RYR1: variants seen among roughly 807,000 people sequenced by gnomAD.
The protein encoded by RYR1 is ryanodine receptor 1.
Under a neutral mutation model 583.5 loss-of-function variants are expected in RYR1, and 342 were observed. The observed-to-expected ratio is 0.59, with a 90% confidence interval of 0.54 to 0.64. The LOEUF (loss-of-function observed/expected upper bound fraction) is 0.64, where lower values mean the gene tolerates loss of function less well. RYR1 is among the 30% of genes least tolerant of loss of function. RYR1 has a pLI of 0.00. For missense variants in RYR1, 6,032 were observed against 6,917.2 expected, an observed-to-expected ratio of 0.87 and a Z score of 4.54; for synonymous variants, 2,791 against 2,822.5, an observed-to-expected ratio of 0.99 and a Z score of 0.35.
In RYR1 at chr19:38,444,153, G is replaced by C; in HGVS notation, c.429G>C (p.Glu143Asp). 1 of 1,613,770 alleles carries C rather than the reference G, an allele frequency of 6.2e-7. No individual in the cohort carries two copies. Among genetic ancestry groups the C allele is most frequent in the Non-Finnish European group, 8.5e-7 (1 of 1,179,712 alleles). The change falls in exon 6 of 106, where the codon GAG becomes GAC. Residue 143 changes from glutamate to aspartate, a missense_variant. By Grantham distance (45) the Glu-to-Asp change is conservative (BLOSUM62 2). Around this residue, in one of 11 missense-constraint regions of RYR1, gnomAD observed 338 missense variants for 441.6 expected, o/e 0.77. Coordinates refer to ENST00000359596, the MANE Select transcript of RYR1 (RefSeq NM_000540.3). This position sits in a 1 kb window ranked among gnomAD's most constrained non-coding sequence, Gnocchi z 5.1. ...DVGLQEDATG[E>D]ACWWTMHPAS... ...CCATTCCATCCCCACCCATAGGAGA[G>C]GCTTGCTGGTGGACCATGCACCCAG...
Position 38,455,303 on chromosome 19 carries a change from T to C in RYR1, c.1509T>C (p.Ala503=), listed in dbSNP as rs997383252. 1 of 1,614,002 alleles carries C rather than the reference T, an allele frequency of 6.2e-7. No individual in the cohort carries two copies. The highest frequency in any genetic ancestry group is 8.5e-7 in the Non-Finnish European group (1 of 1,180,018). ...TCTACACCACTGCTGCCCACTTTGC[T>C]GAGTTTGCAGGGGAGGAGGCAGCCG... ...LNVYTTAAHF[A]EFAGEEAAES... is the part of the protein sequence containing the mutation. The change falls in exon 14 of 106, where the codon GCT becomes GCC. Residue 503 remains alanine (A), a synonymous_variant. Transcript: ENST00000359596.
chr19:38,521,960 G>A (rs1006495228), intron 67 of RYR1, among the ~76,000 whole-genome samples: 4 of 151,882 alleles, frequency 2.6e-5, no homozygotes, highest in East Asian at 3.9e-4. Flanking sequence ...TGCCCGCCTC[G>A]GCCTCCCAAA....
chr19:38,499,800 G>T lies in RYR1; in HGVS notation c.7193G>T (p.Arg2398Leu). The change falls in exon 44 of 106, where the codon CGC becomes CTC. Residue 2398 changes from arginine (R) to leucine (L), a missense_variant. Coordinates refer to ENST00000359596, the MANE Select transcript of RYR1 (RefSeq NM_000540.3). This position sits in a 1 kb window ranked among gnomAD's most constrained non-coding sequence, Gnocchi z 7.3. Reference sequence around the variant, plus strand: ...CCTGCGAGGGATGGCCCAGGCATCCGCAGGGACCGGCGGCGCGAGCAGTGA... The same window carrying T: ...CCTGCGAGGGATGGCCCAGGCATCCTCAGGGACCGGCGGCGCGAGCAGTGA... ...EDPARDGPGI[R>L]RDRRREHFGE... The T allele has an allele frequency of 1.2e-6, 2 of 1,604,722 alleles. No homozygotes were observed. The highest frequency in any genetic ancestry group is 8.5e-7 in the Non-Finnish European group (1 of 1,179,034).
At chr19:38,516,319 T>C (rs960115764) in intron 65 of RYR1, 102 bp downstream of exon 65, 40 of 1,388,858 alleles carry the variant, frequency 2.9e-5, no homozygotes, top group Non-Finnish European at 3.9e-5. Flanking sequence ...GGCTGGGCTG[T>C]GAGCGGCTGA....
At chr19:38,455,927 G>A (rs1165625122) in intron 16 of RYR1, among the ~76,000 whole-genome samples, 176 bp downstream of exon 16, 1 of 147,532 alleles carries the variant, frequency 6.8e-6, no homozygotes, top group East Asian at 2.0e-4. Flanking sequence ...CTCTTAAGTT[G>A]ATTCTGGGCC....
chr19:38,541,935 G>A (rs1018328271), intron 84 of RYR1, among the ~76,000 whole-genome samples: 1 of 151,682 alleles, frequency 6.6e-6, no homozygotes, highest in Non-Finnish European at 1.5e-5. Context: ...CGGATGTGGT[G>A]GCTCACACCT....
In RYR1 at chr19:38,478,585, C is replaced by A. The variant is rs1368475680; in HGVS notation, c.4605C>A (p.Ser1535Arg). 1 of 1,612,678 alleles carries A rather than the reference C, an allele frequency of 6.2e-7. No individual in the cohort carries two copies. The highest frequency in any genetic ancestry group is 8.5e-7 in the Non-Finnish European group (1 of 1,180,012). The change falls in exon 31 of 106, where the codon AGC (serine) becomes AGA (arginine). Residue 1535 changes from serine (S) to arginine (R), a missense_variant. This residue lies in a region of RYR1 where 2,627 missense variants were observed against 2,961.3 expected (regional missense o/e 0.89). Coordinates refer to ENST00000359596, the MANE Select transcript of RYR1 (RefSeq NM_000540.3). The stretch of plus-strand genomic sequence containing the variant: ...CCTTTACAGCCAATGGCAAAGAGAG[C>A]AACACCTTTTTCCAGGTGAGTCCAG... The part of the protein sequence containing the change: ...LMTFTANGKE[S>R]NTFFQVEPNT...
chr19:38,511,016 C>T (rs1419732668), intron 60 of RYR1, among the ~76,000 whole-genome samples: 1 of 152,188 alleles, frequency 6.6e-6, no homozygotes, highest in Non-Finnish European at 1.5e-5. Flanking sequence ...CAACTCAAGG[C>T]CGGGCGTGGT....
At position 38,483,293 on chromosome 19, in the gene RYR1, A is replaced by C; in HGVS notation, c.4711A>C (p.Ile1571Leu). ...IQFELGKQKN[I>L]MPLSAAMFQS... ...ATGTGTGTCTCTCTGCCCTCAGAACATCATGCCGTTGTCAGCCGCCATGTT... is the reference window on the plus strand; with the variant it reads ...ATGTGTGTCTCTCTGCCCTCAGAACCTCATGCCGTTGTCAGCCGCCATGTT... Residue 1571 changes from isoleucine to leucine, a missense_variant, in exon 33 of 106, where the codon ATC becomes CTC. Transcript: ENST00000359596. The surrounding 1 kb of genome is among the most constrained non-coding windows in gnomAD (Gnocchi z 6.3). The C allele has an allele frequency of 6.4e-7, 1 of 1,560,444 alleles. No individual in the cohort carries two copies. Among genetic ancestry groups the C allele is most frequent in the Non-Finnish European group, 8.7e-7 (1 of 1,152,488 alleles).
intron 31 of RYR1, among the ~76,000 whole-genome samples, chr19:38,481,867 C>T (rs2145521217): frequency 6.6e-6 from 1 of 152,236 alleles, no homozygotes; most frequent in South Asian, 2.1e-4. Context: ...TTGGGCAGAT[C>T]ACCTAAGGTC....
chr19:38,514,078 G>A (rs905840853), intron 63 of RYR1, among the ~76,000 whole-genome samples: 4 of 151,862 alleles, frequency 2.6e-5, no homozygotes, highest in Non-Finnish European at 4.4e-5. Flanking sequence ...GAATAGCCCC[G>A]CCCTCTTTTT....
At chr19:38,576,037 C>G (rs1276169095) in intron 97 of RYR1, 76 bp downstream of exon 97, 2 of 1,540,074 alleles carry the variant, frequency 1.3e-6, no homozygotes, top group African/African-American at 2.7e-5. Flanking sequence ...CTGCCAAGCA[C>G]TTGCTTGGTG....
At chr19:38,442,243 G>A (rs371201368) in intron 2 of RYR1, 106 bp from the exon 3 acceptor site, 63 of 802,470 alleles carry the variant, frequency 7.9e-5, no homozygotes, top group South Asian at 1.7e-4. Context: ...GGGGTCTGGC[G>A]TCTCAAGAGT....
chr19:38,466,982 C>A (rs909653420), intron 24 of RYR1, among the ~76,000 whole-genome samples: 1 of 152,124 alleles, frequency 6.6e-6, no homozygotes, highest in Non-Finnish European at 1.5e-5. Flanking sequence ...GCCTAGGAAC[C>A]CAATGAGTGC....
chr19:38,455,258 T>C lies in RYR1; in HGVS notation c.1464T>C (p.Asn488=). 6.2e-7 allele frequency: 1 copy of C among 1,614,102 alleles called. No individual in the cohort carries two copies. Among genetic ancestry groups the C allele is most frequent in the Non-Finnish European group, 8.5e-7 (1 of 1,180,012 alleles). ...QEEGMLSMVL[N]CIDRLNVYTT... ...AGGGGATGCTCTCCATGGTCCTGAA[T>C]TGCATAGACCGCCTAAATGTCTACA... Residue 488 remains asparagine, a synonymous_variant, in exon 14 of 106, where the codon AAT becomes AAC. Transcript: ENST00000359596.
rs1490490688 is a variant in RYR1 at position 38,485,621 on chromosome 19, C to T, written c.4966C>T (p.Leu1656=). The T allele has an allele frequency of 1.9e-6, 3 of 1,610,116 alleles. No homozygotes were observed. The highest frequency in any genetic ancestry group is 2.5e-6 in the Non-Finnish European group (3 of 1,179,968). ...CMDILELSER[L]DLQRFHSHTL... Reference sequence around the variant, plus strand: ...GGACATCCTGGAGCTGTCGGAGCGCCTGGACCTGCAGCGCTTCCACTCGCA... The same window carrying T: ...GGACATCCTGGAGCTGTCGGAGCGCTTGGACCTGCAGCGCTTCCACTCGCA... Residue 1656 remains leucine, a synonymous_variant, in exon 34 of 106, where the codon CTG becomes TTG. Coordinates refer to ENST00000359596, the MANE Select transcript of RYR1 (RefSeq NM_000540.3).
chr19:38,509,936 C>T (rs10469270), intron 58 of RYR1, among the ~76,000 whole-genome samples: 8,864 of 151,852 alleles, frequency 0.058, 317 homozygotes, highest in East Asian at 0.14. Context: ...ATGAAAAGCA[C>T]TTATGGTGGG....
At position 38,489,320 on chromosome 19, in the gene RYR1, G is replaced by T. The variant is rs755258237; in HGVS notation, c.5691G>T (p.Glu1897Asp). The T allele has an allele frequency of 9.3e-6, 15 of 1,605,718 alleles. No individual in the cohort carries two copies. The East Asian group carries it at 3.1e-4, about 33-fold the overall frequency. ...EDEEEKEEDE[E>D]ETAQEKEDEE... ...AGGAGGAGAAGGAGGAGGATGAGGA[G>T]GAAACAGCACAGGAAAAGGAAGATG... The change falls in exon 35 of 106, where the codon GAG becomes GAT. Residue 1897 changes from glutamate (E) to aspartate (D), a missense_variant. Glu to Asp is a conservative substitution (Grantham distance 45). Transcript: ENST00000359596.
intron 99 of RYR1, among the ~76,000 whole-genome samples, chr19:38,579,514 T>C (rs1011887220): frequency 3.4e-5 from 5 of 146,040 alleles, no homozygotes; most frequent in Non-Finnish European, 6.0e-5. Context: ...CACTTGAACC[T>C]GAGAGGCGGA....
Sources: gnomAD v4.1 joint callset for allele counts (sites outside exome capture counted in the v4.1 genomes callset) on GRCh38, gnomAD v4.1.1 for gene constraint, gnomAD v4.1.1 regional missense constraint, Gnocchi (gnomAD v3.1) non-coding constraint, MANE v1.5 for transcripts, NCBI Gene and HGNC (gene_info 2026-07-23, HGNC 2026-07-21) for gene names.